Variants in MICU2 observed in about 807,000 individuals in gnomAD.
The protein encoded by MICU2 is calcium uptake protein 2, mitochondrial.
A neutral mutation model predicts 60.4 loss-of-function variants in MICU2; 64 were observed. The ratio of observed to expected loss-of-function variants is 1.06; its 90% CI spans 0.87 to 1.31. The LOEUF (loss-of-function observed/expected upper bound fraction) is 1.31, where lower values mean the gene tolerates loss of function less well. Among genes scored for constraint, MICU2 ranks in the 50% most tolerant of loss-of-function variants. The pLI is 0.00. For synonymous variants in MICU2, 201 were observed against 175.0 expected (o/e 1.15, Z -1.17); for missense variants, 569 against 531.0 (o/e 1.07, Z -0.70).
intron 4 of MICU2, among the ~76,000 whole-genome samples, chr13:21,539,090 G>C (rs1887209973): frequency 6.6e-6 from 1 of 151,910 alleles, no homozygotes. Context: ...TTTTATTTTA[G>C]ATACTCTGCC....
At chr13:21,585,179 ATC>A (rs376277338) in intron 1 of MICU2, among the ~76,000 whole-genome samples, 1 of 152,336 alleles carries the variant, frequency 6.6e-6, no homozygotes, top group East Asian at 1.9e-4. Flanking sequence ...TAACTTTGTC[ATC>A]TCTCTTTTCA....
intron 1 of MICU2, among the ~76,000 whole-genome samples, chr13:21,578,432 T>A (rs1456945555): frequency 2.0e-5 from 3 of 152,018 alleles, no homozygotes; most frequent in Non-Finnish European, 4.4e-5. Flanking sequence ...AAAAAATATT[T>A]AAAAAATTAA....
intron 2 of MICU2, 143 bp from the exon 3 acceptor site, chr13:21,539,831 C>A (rs1472788709): frequency 1.6e-5 from 11 of 708,236 alleles, no homozygotes; most frequent in Non-Finnish European, 2.5e-5. Flanking sequence ...TAGCTAATAT[C>A]CTTAAGCCAT....
chr13:21,587,876 T>G (rs1888493097), intron 1 of MICU2, among the ~76,000 whole-genome samples: 1 of 152,208 alleles, frequency 6.6e-6, no homozygotes, highest in Admixed American at 6.5e-5. Flanking sequence ...TAGATGACAT[T>G]TCAGTGAATA....
chr13:21,516,711 T>G (rs954652830), intron 6 of MICU2, among the ~76,000 whole-genome samples: 2 of 152,316 alleles, frequency 1.3e-5, no homozygotes, highest in Admixed American at 6.5e-5. Flanking sequence ...TTCTCTTGAG[T>G]GTAGTAGTAT....
intron 4 of MICU2, among the ~76,000 whole-genome samples, chr13:21,532,516 T>C (rs1381284006): frequency 6.6e-6 from 1 of 152,224 alleles, no homozygotes; most frequent in African/African-American, 2.4e-5. Context: ...GACTGACTAG[T>C]GAGCCCCTTC....
intron 1 of MICU2, among the ~76,000 whole-genome samples, chr13:21,585,300 A>T (rs1022248982): frequency 6.6e-6 from 1 of 152,270 alleles, no homozygotes; most frequent in Admixed American, 6.5e-5. Flanking sequence ...GCAGTAAAGT[A>T]TAAAAACTTC....
At chr13:21,593,271 A>G (rs1470561398) in intron 1 of MICU2, among the ~76,000 whole-genome samples, 1 of 152,112 alleles carries the variant, frequency 6.6e-6, no homozygotes, top group Non-Finnish European at 1.5e-5. Context: ...AACTGCTACA[A>G]AGAGAATAAA....
chr13:21,592,716 C>G (rs1048772681), intron 1 of MICU2, among the ~76,000 whole-genome samples: 1 of 152,162 alleles, frequency 6.6e-6, no homozygotes, highest in African/African-American at 2.4e-5. Flanking sequence ...TCAACATACG[C>G]AAATCAATAA....
At chr13:21,597,283 T>C (rs1035467171) in intron 1 of MICU2, among the ~76,000 whole-genome samples, 8 of 152,124 alleles carry the variant, frequency 5.3e-5, no homozygotes, top group African/African-American at 1.5e-4. Context: ...CCTTGGGACA[T>C]AGCAGATAAG....
At chr13:21,565,581 C>A (rs1349092836) in intron 2 of MICU2, among the ~76,000 whole-genome samples, 4 of 152,238 alleles carry the variant, frequency 2.6e-5, no homozygotes, top group African/African-American at 9.6e-5. Context: ...TCGCTTGAAC[C>A]CCAGAGGTAG....
intron 4 of MICU2, 26 bp downstream of exon 4, chr13:21,539,276 G>A: frequency 1.9e-6 from 3 of 1,598,092 alleles, no homozygotes; most frequent in Non-Finnish European, 1.7e-6. Flanking sequence ...CACATAACTA[G>A]AAATTTAACA....
At chr13:21,531,006 G>T in intron 4 of MICU2, 1 of 810,890 alleles carries the variant, frequency 1.2e-6, no homozygotes, top group Non-Finnish European at 2.2e-6. Context: ...ACCACATAAT[G>T]AAAGTGCCTG....
intron 2 of MICU2, among the ~76,000 whole-genome samples, chr13:21,561,373 C>T (rs187175683): frequency 2.0e-5 from 3 of 152,110 alleles, no homozygotes; most frequent in Non-Finnish European, 4.4e-5. Context: ...CTGAATCTGT[C>T]AATCAATGAC....
At chr13:21,542,188 A>G (rs73443853) in intron 2 of MICU2, among the ~76,000 whole-genome samples, 3,846 of 152,256 alleles carry the variant, frequency 0.025, 159 homozygotes, top group African/African-American at 0.089. Context: ...CTTGGTAGAC[A>G]GTTGTCTCAC....
At position 21,598,919 on chromosome 13, in the gene MICU2, C is replaced by T. The variant is rs1888755330; in HGVS notation, c.210+5020G>A. On this transcript the variant is annotated intron_variant, in intron 1 of 11. Transcript: ENST00000382374. The stretch of plus-strand genomic sequence containing the variant: ...CATGGGCCATGGACCAGTAAGGGTC[C>T]ATGGTCTGTTAGGAACCGGACCACA... Among the ~76,000 whole-genome samples, 3 of 152,120 alleles carry T rather than the reference C, an allele frequency of 2.0e-5. 1 individual carries two copies.
intron 4 of MICU2, among the ~76,000 whole-genome samples, chr13:21,533,396 T>TG (rs1399928156): frequency 6.6e-6 from 1 of 150,794 alleles, no homozygotes; most frequent in Non-Finnish European, 1.5e-5. Flanking sequence ...CAATCTCGGC[T>TG]CACTGCAAGC....
chr13:21,565,814 C>CA (rs1379463675), intron 2 of MICU2, among the ~76,000 whole-genome samples: 1 of 152,212 alleles, frequency 6.6e-6, no homozygotes, highest in African/African-American at 2.4e-5. Flanking sequence ...GCCTGGGAGA[C>CA]AGAGCAAGAC....
chr13:21,601,296 A>C (rs2138081427), intron 1 of MICU2, among the ~76,000 whole-genome samples: 1 of 152,344 alleles, frequency 6.6e-6, no homozygotes, highest in East Asian at 1.9e-4. Flanking sequence ...AAATGTATCA[A>C]AATCACTGAG....
Sources: allele counts gnomAD v4.1 joint callset (sites outside exome capture counted in the v4.1 genomes callset), GRCh38; gene constraint gnomAD v4.1.1; transcripts MANE v1.5; gene names NCBI Gene and HGNC (gene_info 2026-07-23, HGNC 2026-07-21).